The following SLC35F1 variants were observed in gnomAD, a reference collection of about 807,000 sequenced individuals.
SLC35F1 encodes chromosome 6 open reading frame 169.
SLC35F1 carries 14 observed loss-of-function variants against 48.7 expected under a neutral mutation model. The observed-to-expected ratio is 0.29, with a 90% CI of 0.19 to 0.45. The LOEUF (loss-of-function observed/expected upper bound fraction) is 0.45. SLC35F1 is among the 20% of genes least tolerant of loss of function. The pLI, the probability that SLC35F1 is intolerant of heterozygous loss-of-function variation, is 1.00. For missense variants in SLC35F1, 404 were observed against 500.0 expected (o/e 0.81, Z 1.83); for synonymous variants, 190 against 202.2 (o/e 0.94, Z 0.51).
chr6:118,113,287 A>G (rs965521041), intron 1 of SLC35F1, among the ~76,000 whole-genome samples: 8 of 152,122 alleles, frequency 5.3e-5, no homozygotes, highest in Middle Eastern at 3.4e-3. Flanking sequence ...AGGTCTTGCT[A>G]TGTTGCTCAG....
chr6:118,235,007 A>T (rs1033293650), intron 2 of SLC35F1, among the ~76,000 whole-genome samples: 1 of 152,180 alleles, frequency 6.6e-6, no homozygotes, highest in Non-Finnish European at 1.5e-5. Context: ...CCCACAAACC[A>T]CTAGAGTGCA....
chr6:118,302,430 GAA>G (rs2114661403), intron 7 of SLC35F1, among the ~76,000 whole-genome samples: 1 of 152,256 alleles, frequency 6.6e-6, no homozygotes, highest in South Asian at 2.1e-4. Context: ...TATATCCAGA[GAA>G]AAGAGACTGG....
At chr6:118,162,345 A>G (rs1007118047) in intron 2 of SLC35F1, among the ~76,000 whole-genome samples, 1 of 152,188 alleles carries the variant, frequency 6.6e-6, no homozygotes, top group Non-Finnish European at 1.5e-5. Context: ...CAGAGAATAG[A>G]TCAGTGGTTT....
intron 1 of SLC35F1, among the ~76,000 whole-genome samples, chr6:117,908,901 G>A (rs1387048079): frequency 6.6e-6 from 1 of 152,300 alleles, no homozygotes; most frequent in Middle Eastern, 3.4e-3. Context: ...CATTGTGTTG[G>A]GTAGCAGAGA....
chr6:117,992,864 A>C (rs1242253580), intron 1 of SLC35F1, among the ~76,000 whole-genome samples: 3 of 152,212 alleles, frequency 2.0e-5, no homozygotes, highest in Non-Finnish European at 4.4e-5. Flanking sequence ...ACCCCTCTAC[A>C]ATATCTATCA....
intron 1 of SLC35F1, among the ~76,000 whole-genome samples, chr6:117,980,959 G>A (rs1776768869): frequency 6.6e-6 from 1 of 151,974 alleles, no homozygotes; most frequent in African/African-American, 2.4e-5. Context: ...TCTGAATTTT[G>A]GGAAAAAAAA....
chr6:118,097,870 G>T (rs1773198943), intron 1 of SLC35F1, among the ~76,000 whole-genome samples: 1 of 152,170 alleles, frequency 6.6e-6, no homozygotes, highest in African/African-American at 2.4e-5. Flanking sequence ...GTGAGTAGGT[G>T]TGGTTTAGTA....
At chr6:118,001,585 C>G (rs940804695) in intron 1 of SLC35F1, among the ~76,000 whole-genome samples, 1 of 151,856 alleles carries the variant, frequency 6.6e-6, no homozygotes, top group Non-Finnish European at 1.5e-5. Context: ...GCAACAAAAG[C>G]CAAAATTGAC....
intron 1 of SLC35F1, among the ~76,000 whole-genome samples, chr6:118,038,977 A>C (rs1265687813): frequency 6.6e-6 from 1 of 152,166 alleles, no homozygotes; most frequent in Non-Finnish European, 1.5e-5. Flanking sequence ...ACACAGAAAT[A>C]AAATTAATTT....
Position 118,233,551 on chromosome 6 carries a change from A to G in SLC35F1, c.350-1958A>G, listed in dbSNP as rs976114744. Among the ~76,000 whole-genome samples the G allele has an allele frequency of 3.9e-5, 6 of 152,032 alleles. No individual in the cohort carries two copies. In the East Asian group the frequency reaches 5.8e-4, roughly 15 times the overall value. ...GTATTTCACTTTTTTTTTGTTTTCA[A>G]TTCATTGATTCATTCACTCCAAAAC... On this transcript the variant is annotated intron_variant, in intron 2 of 7. Coordinates refer to ENST00000360388, the MANE Select transcript of SLC35F1 (RefSeq NM_001029858.4).
In SLC35F1 at chr6:118,056,187, T is replaced by C. The variant is rs534790439; in HGVS notation, c.174-98258T>C. Among the ~76,000 whole-genome samples the C allele has an allele frequency of 4.6e-5, 7 of 152,332 alleles. No individual in the cohort carries two copies. In the East Asian group the frequency reaches 1.4e-3, roughly 29 times the overall value. On this transcript the variant is annotated intron_variant, in intron 1 of 7. Transcript: ENST00000360388. ...TTAAATCTCTTATCTCTAGCATATATGTTAGGTTTATTTTATTGTTAAAAT... is the reference window on the plus strand; with the variant it reads ...TTAAATCTCTTATCTCTAGCATATACGTTAGGTTTATTTTATTGTTAAAAT...
chr6:117,953,027 G>T (rs1776383617), intron 1 of SLC35F1, among the ~76,000 whole-genome samples: 2 of 152,152 alleles, frequency 1.3e-5, no homozygotes, highest in Admixed American at 6.5e-5. Flanking sequence ...AGTGGGCACT[G>T]GTCCATGTTC....
At chr6:118,103,011 A>G (rs911827712) in intron 1 of SLC35F1, among the ~76,000 whole-genome samples, 1 of 152,168 alleles carries the variant, frequency 6.6e-6, no homozygotes, top group Non-Finnish European at 1.5e-5. Flanking sequence ...AATTAGGGTA[A>G]CCACCAGGTC....
At chr6:118,026,853 T>C (rs1489005806) in intron 1 of SLC35F1, among the ~76,000 whole-genome samples, 1 of 152,182 alleles carries the variant, frequency 6.6e-6, no homozygotes, top group African/African-American at 2.4e-5. Flanking sequence ...AATTTACCCC[T>C]TTTAGGTGTA....
intron 1 of SLC35F1, among the ~76,000 whole-genome samples, chr6:117,996,849 C>A (rs1392342628): frequency 6.6e-6 from 1 of 152,176 alleles, no homozygotes; most frequent in Non-Finnish European, 1.5e-5. Flanking sequence ...AAACTGGAAA[C>A]TCTAAAAAGC....
At chr6:118,215,353 T>C (rs1489126291) in intron 2 of SLC35F1, among the ~76,000 whole-genome samples, 23 of 152,070 alleles carry the variant, frequency 1.5e-4, no homozygotes, top group Admixed American at 1.5e-3. Context: ...GAGAAAAGAG[T>C]ATTTTTGAAA....
intron 1 of SLC35F1, among the ~76,000 whole-genome samples, chr6:118,035,232 G>T (rs925796040): frequency 8.5e-5 from 13 of 152,056 alleles, no homozygotes; most frequent in Non-Finnish European, 1.6e-4. Context: ...CACCTTTCTT[G>T]ATATTGGTGC....
intron 6 of SLC35F1, among the ~76,000 whole-genome samples, chr6:118,278,838 G>T (rs1197208042): frequency 6.6e-6 from 1 of 152,194 alleles, no homozygotes; most frequent in Non-Finnish European, 1.5e-5. Context: ...TTATATTGAT[G>T]GTAATAGTAA....
chr6:118,239,363 G>T (rs766787147), intron 3 of SLC35F1, among the ~76,000 whole-genome samples: 2 of 151,544 alleles, frequency 1.3e-5, no homozygotes, highest in Non-Finnish European at 2.9e-5. Flanking sequence ...GTTCATAGAG[G>T]TAGGATGGGG....
Sources: gnomAD v4.1 joint callset for allele counts (sites outside exome capture counted in the v4.1 genomes callset) on GRCh38, gnomAD v4.1.1 for gene constraint, MANE v1.5 for transcripts, NCBI Gene and HGNC (gene_info 2026-07-23, HGNC 2026-07-21) for gene names.